PTPRE: variants seen among roughly 807,000 people sequenced by gnomAD.
PTPRE encodes protein tyrosine phosphatase receptor type E, also known as receptor-type tyrosine-protein phosphatase epsilon.
Under a neutral mutation model 102.0 loss-of-function variants are expected in PTPRE, and 51 were observed. That is an observed-to-expected ratio of 0.50 (90% CI 0.40 to 0.63). PTPRE has a LOEUF of 0.63. Ranked by LOEUF, PTPRE falls within the 30% of genes least tolerant of loss-of-function variation. The pLI is 0.00. For missense variants in PTPRE, 752 were observed against 915.1 expected, an observed-to-expected ratio of 0.82 and a Z score of 2.30; for synonymous variants, 345 against 348.2, an observed-to-expected ratio of 0.99 and a Z score of 0.10.
In PTPRE at chr10:128,028,337, A is replaced by G. The variant is rs898968374; in HGVS notation, c.-7-12538A>G. ...CTGGCAGGCAGAAGGGACTCGGGTC[A>G]CACACAGCCACACTCGGGGATTAGG... On this transcript the variant is annotated intron_variant, in intron 2 of 20. Coordinates refer to ENST00000254667, the MANE Select transcript of PTPRE (RefSeq NM_006504.6). This position sits in a 1 kb window ranked among gnomAD's most constrained non-coding sequence, Gnocchi z 4.5. Among the ~76,000 whole-genome samples the G allele has an allele frequency of 7.2e-5, 11 of 152,068 alleles. No individual in the cohort carries two copies. The highest frequency in any genetic ancestry group is 2.7e-4 in the African/African-American group (11 of 41,416).
intron 1 of PTPRE, among the ~76,000 whole-genome samples, chr10:127,949,278 G>T (rs1564820394): frequency 6.6e-6 from 1 of 152,118 alleles, no homozygotes; most frequent in Non-Finnish European, 1.5e-5. Context: ...CTTCCCATGT[G>T]TCTATCTAGC....
Position 127,907,366 on chromosome 10 carries a change from G to A in PTPRE, c.-31+57G>A, listed in dbSNP as rs1240653078. On this transcript the variant is annotated intron_variant, in intron 1 of 20. Coordinates refer to ENST00000254667, the MANE Select transcript of PTPRE (RefSeq NM_006504.6). The surrounding 1 kb of genome is among the most constrained non-coding windows in gnomAD (Gnocchi z 4.8). Reference sequence around the variant, plus strand: ...CCCTGTGGGGAACTGTGCACCCCGGGAGGCCCAAGCAGGCCGGGGCGCTGC... The same window carrying A: ...CCCTGTGGGGAACTGTGCACCCCGGAAGGCCCAAGCAGGCCGGGGCGCTGC... The A allele has an allele frequency of 2.0e-6, 2 of 982,120 alleles. No homozygotes were observed. Among genetic ancestry groups the A allele is most frequent in the Admixed American group, 6.2e-5 (1 of 16,198 alleles). The allele number at this position is 982,120 out of a possible 1,614,324, so 60.8% of individuals were successfully genotyped here. A position where few individuals can be genotyped will look rare whatever the true frequency, so the allele number is the denominator to read the frequency against.
chr10:127,931,484 C>G (rs1847438230), intron 1 of PTPRE, among the ~76,000 whole-genome samples: 1 of 152,224 alleles, frequency 6.6e-6, no homozygotes, highest in South Asian at 2.1e-4. Flanking sequence ...CAGAAGCTGG[C>G]CTGTGATAGA....
intron 17 of PTPRE, among the ~76,000 whole-genome samples, 174 bp from the exon 18 acceptor site, chr10:128,076,429 C>T (rs193018624): frequency 2.0e-5 from 3 of 151,740 alleles, no homozygotes; most frequent in Non-Finnish European, 2.9e-5. Flanking sequence ...AGACTCTGTT[C>T]TGTTCCCTGG....
intron 2 of PTPRE, among the ~76,000 whole-genome samples, chr10:127,989,616 G>A (rs1254805424): frequency 2.0e-5 from 3 of 152,160 alleles, no homozygotes; most frequent in Non-Finnish European, 4.4e-5. Context: ...AAAAACAGTC[G>A]GCTCTCATTA....
In PTPRE at chr10:128,072,381, G is replaced by A. The variant is rs962853414; in HGVS notation, c.1464+167G>A. 16 of 622,250 alleles carry A rather than the reference G, an allele frequency of 2.6e-5. 1 individual carries two copies. The highest frequency in any genetic ancestry group is 1.3e-4 in the African/African-American group (7 of 53,428). 38.5% of individuals were successfully genotyped at this position (622,250 alleles called of 1,614,324 possible). On this transcript the variant is annotated intron_variant, in intron 16 of 20. Coordinates refer to ENST00000254667, the MANE Select transcript of PTPRE (RefSeq NM_006504.6). Reference sequence around the variant, plus strand: ...CTTAAAAAAAAAAGTGGCAAGGCACGATGGCTCACACCTGTAATCCCAACA... The same window carrying A: ...CTTAAAAAAAAAAGTGGCAAGGCACAATGGCTCACACCTGTAATCCCAACA...
chr10:128,030,229 A>G (rs898806622), intron 2 of PTPRE, among the ~76,000 whole-genome samples: 1 of 152,258 alleles, frequency 6.6e-6, no homozygotes, highest in Non-Finnish European at 1.5e-5. Context: ...GCCCTGGCGA[A>G]CAACGGGGCC....
At chr10:127,942,814 T>A (rs952347947) in intron 1 of PTPRE, among the ~76,000 whole-genome samples, 4 of 152,206 alleles carry the variant, frequency 2.6e-5, no homozygotes, top group African/African-American at 9.7e-5. Flanking sequence ...TGCACAGCAG[T>A]GTAAATGCAC....
rs370065762 is a variant in PTPRE at position 128,047,222 on chromosome 10, C to T, written c.110-168C>T. On this transcript the variant is annotated intron_variant, in intron 3 of 20. Coordinates refer to ENST00000254667, the MANE Select transcript of PTPRE (RefSeq NM_006504.6). ...TCTTTCTCTGAGTCAACAGCAACAACTAAAGTCGCTTCTCTGTTACCTCGT... is the reference window on the plus strand; with the variant it reads ...TCTTTCTCTGAGTCAACAGCAACAATTAAAGTCGCTTCTCTGTTACCTCGT... Among the ~76,000 whole-genome samples the T allele has an allele frequency of 5.2e-4, 79 of 152,364 alleles. No individual in the cohort carries two copies. In the East Asian group the frequency reaches 0.01, roughly 19 times the overall value.
rs528261351 is a variant in PTPRE at position 128,049,265 on chromosome 10, G to T, written c.284-265G>T. On this transcript the variant is annotated intron_variant, in intron 5 of 20. Transcript: ENST00000254667. ...TGGGTGGATGAGTGGCCTCGGGAGGGGGACAGGCTGTCTCCAATGGGGGAG... is the reference window on the plus strand; with the variant it reads ...TGGGTGGATGAGTGGCCTCGGGAGGTGGACAGGCTGTCTCCAATGGGGGAG... Among the ~76,000 whole-genome samples, 8 of 152,254 alleles carry T rather than the reference G, an allele frequency of 5.3e-5. No homozygotes were observed. The South Asian group carries it at 1.7e-3, about 32-fold the overall frequency.
intron 7 of PTPRE, among the ~76,000 whole-genome samples, 195 bp from the exon 8 acceptor site, chr10:128,060,744 T>C (rs1207394747): frequency 6.6e-6 from 1 of 152,176 alleles, no homozygotes; most frequent in Non-Finnish European, 1.5e-5. Flanking sequence ...GTGCATTCTC[T>C]CTCAGGACAC....
intron 1 of PTPRE, among the ~76,000 whole-genome samples, chr10:127,961,995 G>A (rs868125954): frequency 6.6e-6 from 1 of 152,228 alleles, no homozygotes. Flanking sequence ...TCCAGGGTAG[G>A]AGAGAGACTC....
rs114809537 is a variant in PTPRE at position 127,959,675 on chromosome 10, A to G, written c.-30-22599A>G. On this transcript the variant is annotated intron_variant, in intron 1 of 20. Coordinates refer to ENST00000254667, the MANE Select transcript of PTPRE (RefSeq NM_006504.6). ...TCAACGAGCTTTAAGCACTTTCTCC[A>G]TAGTGTTGAGGGCACAACTGTGGAG... Among the ~76,000 whole-genome samples the G allele has an allele frequency of 5.8e-3, 885 of 152,348 alleles. 11 individuals carry two copies. The highest frequency in any genetic ancestry group is 0.02 in the African/African-American group (852 of 41,584).
intron 1 of PTPRE, among the ~76,000 whole-genome samples, chr10:127,928,945 T>C (rs1176636445): frequency 6.6e-6 from 1 of 152,258 alleles, no homozygotes; most frequent in Non-Finnish European, 1.5e-5. Flanking sequence ...AGCGAATGTC[T>C]GTTAAGTACA....
intron 1 of PTPRE, among the ~76,000 whole-genome samples, chr10:127,915,753 T>C (rs1031160781): frequency 1.3e-5 from 2 of 152,190 alleles, no homozygotes; most frequent in East Asian, 1.9e-4. Flanking sequence ...GTCTGTAATA[T>C]CATTTAGAAG....
Position 128,062,981 on chromosome 10 carries a change from G to C in PTPRE, c.626-102G>C, listed in dbSNP as rs1590192630. Reference sequence around the variant, plus strand: ...TGTCCCCAACAAGCCTGAGAAGGGAGTGAACAGCTGTCCAGGGGCCAACGG... The same window carrying C: ...TGTCCCCAACAAGCCTGAGAAGGGACTGAACAGCTGTCCAGGGGCCAACGG... On this transcript the variant is annotated intron_variant, in intron 9 of 20. Coordinates refer to ENST00000254667, the MANE Select transcript of PTPRE (RefSeq NM_006504.6). 15 of 1,541,332 alleles carry C rather than the reference G, an allele frequency of 9.7e-6. No individual in the cohort carries two copies. The Admixed American group carries it at 9.8e-5, about 10-fold the overall frequency.
intron 1 of PTPRE, among the ~76,000 whole-genome samples, chr10:127,943,925 T>A (rs2135305519): frequency 6.6e-6 from 1 of 152,242 alleles, no homozygotes; most frequent in South Asian, 2.1e-4. Context: ...GACCTGGCTG[T>A]GGACTCTGGG....
At chr10:127,956,879 G>A (rs1849442251) in intron 1 of PTPRE, among the ~76,000 whole-genome samples, 4 of 152,030 alleles carry the variant, frequency 2.6e-5, no homozygotes, top group Admixed American at 2.6e-4. Context: ...CTTTGTTGAT[G>A]TGTCTGTTCT....
chr10:128,071,890 G>T (rs1850800771), intron 15 of PTPRE: 2 of 409,102 alleles, frequency 4.9e-6, no homozygotes, highest in Middle Eastern at 1.3e-3. Context: ...TTGTATTTTG[G>T]TATGTATTAT....
Sources: allele counts gnomAD v4.1 joint callset (sites outside exome capture counted in the v4.1 genomes callset), GRCh38; gene constraint gnomAD v4.1.1; non-coding constraint Gnocchi (gnomAD v3.1); transcripts MANE v1.5; gene names NCBI Gene and HGNC (gene_info 2026-07-23, HGNC 2026-07-21).